The following HIRA variants were observed in gnomAD, a reference collection of about 807,000 sequenced individuals.
HIRA encodes protein HIRA.
A neutral mutation model predicts 126.6 loss-of-function variants in HIRA; 13 were observed. The observed-to-expected ratio is 0.10, with a 90% CI of 0.07 to 0.16. HIRA has a LOEUF of 0.16. Ranked by LOEUF, HIRA falls within the 10% of genes least tolerant of loss-of-function variation. The probability of loss-of-function intolerance (pLI) is 1.00; values close to 1 mark genes in which losing one functional copy is unlikely to be tolerated. For missense variants in HIRA, 834 were observed against 1,314.4 expected (o/e 0.63, Z 5.65); for synonymous variants, 511 against 520.0 (o/e 0.98, Z 0.24).
At chr22:19,338,045 GCCTC>G (rs1243524495) in intron 24 of HIRA, among the ~76,000 whole-genome samples, 1 of 152,102 alleles carries the variant, frequency 6.6e-6, no homozygotes, top group Middle Eastern at 3.2e-3. Flanking sequence ...ACCCACCTTG[GCCTC>G]CCTAAGTGTT....
chr22:19,334,584 C>T (rs942914048), intron 24 of HIRA, among the ~76,000 whole-genome samples: 4 of 151,142 alleles, frequency 2.6e-5, no homozygotes, highest in South Asian at 2.1e-4. Flanking sequence ...GTCAGGAGTT[C>T]GAGACCAGTC....
chr22:19,398,085 C>T lies in HIRA; in HGVS notation c.400G>A (p.Val134Met). The change falls in exon 6 of 25, where the codon GTG becomes ATG. Residue 134 changes from valine (V) to methionine (M), a missense_variant and splice_region_variant. Val to Met is a conservative substitution (Grantham distance 21, BLOSUM62 1). This residue lies in a region of HIRA where 102 missense variants were observed against 191.4 expected (regional missense o/e 0.53). Coordinates refer to ENST00000263208, the MANE Select transcript of HIRA (RefSeq NM_003325.4). ...TGGGGAGACCATGCTACATCCATCACATCTGAAAGAAGACAGAGGGTTCTG... is the reference window on the plus strand; with the variant it reads ...TGGGGAGACCATGCTACATCCATCATATCTGAAAGAAGACAGAGGGTTCTG... The part of the protein sequence containing the change: ...VSILRNHSGD[V>M]MDVAWSPHDA... 6.2e-7 allele frequency: 1 copy of T among 1,613,070 alleles called. No homozygotes were observed. The highest frequency in any genetic ancestry group is 8.5e-7 in the Non-Finnish European group (1 of 1,179,088).
intron 1 of HIRA, among the ~76,000 whole-genome samples, chr22:19,429,684 C>T (rs1049039251): frequency 2.0e-5 from 3 of 152,116 alleles, no homozygotes; most frequent in African/African-American, 4.8e-5. Context: ...GTACCTAGTT[C>T]GTCACTTAAG....
chr22:19,386,963 G>A (rs2089132902), intron 11 of HIRA, among the ~76,000 whole-genome samples: 2 of 152,242 alleles, frequency 1.3e-5, no homozygotes, highest in Admixed American at 1.3e-4. Flanking sequence ...CAGCAAATAA[G>A]GTCATGAGGA....
chr22:19,369,666 G>A (rs112910212), intron 15 of HIRA, among the ~76,000 whole-genome samples: 6,908 of 152,150 alleles, frequency 0.045, 215 homozygotes, highest in South Asian at 0.078. Flanking sequence ...AGGTGCGGTG[G>A]CTCACACCTG....
At chr22:19,385,810 A>T (rs1056485674) in intron 11 of HIRA, 74 bp from the exon 12 acceptor site, 139 of 1,402,190 alleles carry the variant, frequency 9.9e-5, no homozygotes, top group Non-Finnish European at 1.3e-4. Context: ...CAGCAGGCAA[A>T]CTACAGCAGG....
Position 19,353,397 on chromosome 22 carries a change from C to A in HIRA, c.2807G>T (p.Arg936Leu), listed in dbSNP as rs782037801. 6 of 1,613,000 alleles carry A rather than the reference C, an allele frequency of 3.7e-6. No individual in the cohort carries two copies. The highest frequency in any genetic ancestry group is 5.1e-6 in the Non-Finnish European group (6 of 1,179,972). The stretch of plus-strand genomic sequence containing the variant: ...CCGTGCGTAGACGAGGAGCCAATGG[C>A]GGTACTCGTGGCTGGACTGCAGGGT... Reference protein sequence around the residue: ...ALTLQSSHEYRHWLLVYARYL... With the variant: ...ALTLQSSHEYLHWLLVYARYL... Residue 936 changes from arginine (R) to leucine (L), a missense_variant, in exon 23 of 25, where the codon CGC (arginine) becomes CTC (leucine). Physicochemically the swap from Arg to Leu is moderately radical, Grantham distance 102 (BLOSUM62 -2). Transcript: ENST00000263208.
At chr22:19,394,897 C>T (rs2089210685) in intron 7 of HIRA, among the ~76,000 whole-genome samples, 1 of 152,190 alleles carries the variant, frequency 6.6e-6, no homozygotes, top group Admixed American at 6.5e-5. Flanking sequence ...GCACAGCATC[C>T]TCAAGATATA....
At chr22:19,370,320 T>C (rs2146205255) in intron 15 of HIRA, among the ~76,000 whole-genome samples, 1 of 152,306 alleles carries the variant, frequency 6.6e-6, no homozygotes, top group South Asian at 2.1e-4. Context: ...TTCTGCTTAC[T>C]GCAACCTCTG....
chr22:19,375,692 G>A lies in HIRA; in HGVS notation c.1714C>T (p.Arg572Trp), dbSNP rs2089011474. Residue 572 changes from arginine (R) to tryptophan (W), a missense_variant, in exon 15 of 25, where the codon CGG (arginine) becomes TGG (tryptophan). Physicochemically the swap from Arg to Trp is moderately radical, Grantham distance 101. Transcript: ENST00000263208. ...GGAGCACCTGGTGTGGCTTTGGACC[G>A]CTCTGTGAACCGGGAGTCAAACGCT... ...MKAFDSRFTE[R>W]SKATPGAPAL... 2 of 1,614,116 alleles carry A rather than the reference G, an allele frequency of 1.2e-6. No homozygotes were observed. Among genetic ancestry groups the A allele is most frequent in the Non-Finnish European group, 1.7e-6 (2 of 1,180,020 alleles).
At chr22:19,390,418 C>A (rs1182398789) in intron 9 of HIRA, among the ~76,000 whole-genome samples, 1 of 151,666 alleles carries the variant, frequency 6.6e-6, no homozygotes, top group East Asian at 1.9e-4. Flanking sequence ...CATGGTGAAA[C>A]CCCATCTTTA....
rs956149295 is a variant in HIRA, at chr22:19,356,108, C to T, written c.2455+122G>A. 3.9e-5 allele frequency: 36 copies of T among 929,840 alleles called. No homozygotes were observed. The South Asian group carries it at 4.6e-4, about 12-fold the overall frequency. The allele number at this position is 929,840 out of a possible 1,614,324, so 57.6% of individuals were successfully genotyped here. ...TGTCTCCTGCAGCGTAACCACACCT[C>T]CTGCCTCACTGAGAGCCCTGGGCTG... On this transcript the variant is annotated intron_variant, in intron 20 of 24. Coordinates refer to ENST00000263208, the MANE Select transcript of HIRA (RefSeq NM_003325.4).
intron 7 of HIRA, among the ~76,000 whole-genome samples, chr22:19,396,060 G>A (rs993960225): frequency 6.7e-5 from 10 of 150,276 alleles, no homozygotes; most frequent in African/African-American, 1.5e-4. Flanking sequence ...CAGCACAGTC[G>A]AGGATGGCAC....
chr22:19,384,094 C>G (rs1418738965), intron 12 of HIRA, among the ~76,000 whole-genome samples: 2 of 151,974 alleles, frequency 1.3e-5, no homozygotes, highest in Non-Finnish European at 2.9e-5. Flanking sequence ...CCGAGGTGGA[C>G]AGATCACAAG....
At chr22:19,357,145 CCAA>C in intron 18 of HIRA, 94 bp from the exon 19 acceptor site, 1 of 1,410,394 alleles carries the variant, frequency 7.1e-7, no homozygotes, top group East Asian at 2.3e-5. Flanking sequence ...CTGCCTGGGC[CCAA>C]CAAGGGCCTC....
chr22:19,430,436 A>C (rs892380577), intron 1 of HIRA, among the ~76,000 whole-genome samples: 2 of 152,194 alleles, frequency 1.3e-5, no homozygotes, highest in African/African-American at 4.8e-5. Context: ...AAAACGAAAA[A>C]GCCACATGTT....
At chr22:19,385,116 G>A (rs188859039) in intron 12 of HIRA, among the ~76,000 whole-genome samples, 2 of 152,140 alleles carry the variant, frequency 1.3e-5, no homozygotes, top group Non-Finnish European at 2.9e-5. Context: ...AGGCAATAAC[G>A]TTCCCTACCC....
intron 15 of HIRA, among the ~76,000 whole-genome samples, chr22:19,373,850 C>T (rs2088990434): frequency 6.6e-6 from 1 of 151,890 alleles, no homozygotes. Context: ...TGTCTCAAGT[C>T]GATGTGGTCA....
intron 11 of HIRA, among the ~76,000 whole-genome samples, chr22:19,385,996 A>C (rs2089123662): frequency 6.6e-6 from 1 of 152,194 alleles, no homozygotes; most frequent in African/African-American, 2.4e-5. Context: ...CCAACAAGAC[A>C]ACACCTGCCC....
Sources: gnomAD v4.1 joint callset for allele counts (sites outside exome capture counted in the v4.1 genomes callset) on GRCh38, gnomAD v4.1.1 for gene constraint, gnomAD v4.1.1 regional missense constraint, MANE v1.5 for transcripts, NCBI Gene and HGNC (gene_info 2026-07-23, HGNC 2026-07-21) for gene names.